The following RASGRF2 variants were observed in gnomAD, a reference collection of about 807,000 sequenced individuals.
RASGRF2 encodes Ras protein specific guanine nucleotide releasing factor 2, also known as ras-specific guanine nucleotide-releasing factor 2.
Under a neutral mutation model 151.0 loss-of-function variants are expected in RASGRF2, and 76 were observed. The observed-to-expected ratio is 0.50, with a 90% confidence interval of 0.42 to 0.61. RASGRF2 has a LOEUF of 0.61. Ranked by LOEUF, RASGRF2 falls within the 20% of genes least tolerant of loss-of-function variation. The pLI, the probability that RASGRF2 is intolerant of heterozygous loss-of-function variation, is 0.00. For missense variants in RASGRF2, 1,148 were observed against 1,564.6 expected, an observed-to-expected ratio of 0.73 and a Z score of 4.49; for synonymous variants, 504 against 566.5, an observed-to-expected ratio of 0.89 and a Z score of 1.57.
At chr5:80,991,805 A>G (rs1434924543) in intron 1 of RASGRF2, among the ~76,000 whole-genome samples, 1 of 152,178 alleles carries the variant, frequency 6.6e-6, no homozygotes, top group Non-Finnish European at 1.5e-5. Context: ...TTTTTTGAGC[A>G]CCTGTAGCTT....
At position 81,041,571 on chromosome 5, in the gene RASGRF2, A is replaced by G. The variant is rs1396164247; in HGVS notation, c.289-1306A>G. Among the ~76,000 whole-genome samples, 3 of 152,214 alleles carry G rather than the reference A, an allele frequency of 2.0e-5. No individual in the cohort carries two copies. The East Asian group carries it at 5.8e-4, about 29-fold the overall frequency. ...GTGATCTGAGGACTCTCCTTGTTGT[A>G]AAGTTCCCCATTCCATGTCTGTCTT... is the stretch of plus-strand genomic sequence containing the variant. On this transcript the variant is annotated intron_variant, in intron 1 of 26. Coordinates refer to ENST00000265080, the MANE Select transcript of RASGRF2 (RefSeq NM_006909.3).
intron 2 of RASGRF2, among the ~76,000 whole-genome samples, chr5:81,055,552 G>A (rs945648463): frequency 1.3e-5 from 2 of 152,218 alleles, no homozygotes; most frequent in African/African-American, 2.4e-5. Flanking sequence ...GAGGATTTTT[G>A]CATCGATGTT....
At chr5:81,144,875 A>C (rs1753967690) in intron 17 of RASGRF2, among the ~76,000 whole-genome samples, 1 of 152,060 alleles carries the variant, frequency 6.6e-6, no homozygotes, top group African/African-American at 2.4e-5. Context: ...TCTTCTAACC[A>C]CCACCCTACT....
chr5:81,015,849 T>C (rs556297838), intron 1 of RASGRF2, among the ~76,000 whole-genome samples: 1 of 152,346 alleles, frequency 6.6e-6, no homozygotes, highest in South Asian at 2.1e-4. Context: ...AAACAATGTT[T>C]TTAAGTATTC....
At chr5:81,030,004 A>G (rs1339845225) in intron 1 of RASGRF2, among the ~76,000 whole-genome samples, 1 of 152,244 alleles carries the variant, frequency 6.6e-6, no homozygotes, top group African/African-American at 2.4e-5. Flanking sequence ...TATGTGAGGA[A>G]TGCACAGGCT....
intron 17 of RASGRF2, among the ~76,000 whole-genome samples, chr5:81,173,771 T>C (rs763341133): frequency 2.0e-5 from 3 of 152,226 alleles, no homozygotes; most frequent in South Asian, 2.1e-4. Context: ...CTGGAAGAGA[T>C]AGGCACCTTA....
At chr5:81,013,485 G>A (rs1465720424) in intron 1 of RASGRF2, among the ~76,000 whole-genome samples, 3 of 152,122 alleles carry the variant, frequency 2.0e-5, no homozygotes, top group African/African-American at 4.8e-5. Flanking sequence ...GCCCTCATGC[G>A]AAAAGCTATA....
At chr5:81,170,168 G>C (rs1184566072) in intron 17 of RASGRF2, among the ~76,000 whole-genome samples, 2 of 144,192 alleles carry the variant, frequency 1.4e-5, no homozygotes, top group African/African-American at 2.6e-5. Flanking sequence ...ATCACTTGCA[G>C]CACCTGCACT....
At chr5:81,136,161 G>C (rs2112590183) in intron 17 of RASGRF2, among the ~76,000 whole-genome samples, 1 of 152,244 alleles carries the variant, frequency 6.6e-6, no homozygotes, top group African/African-American at 2.4e-5. Context: ...TTTAAGCAAA[G>C]TTATCTTTTA....
At chr5:81,219,921 G>T in intron 26 of RASGRF2, 143 bp downstream of exon 26, 192 of 370,446 alleles carry the variant, frequency 5.2e-4, no homozygotes, top group East Asian at 6.3e-4. Flanking sequence ...TGGCTAGTCT[G>T]ATTAAAAAAA....
intron 18 of RASGRF2, among the ~76,000 whole-genome samples, chr5:81,190,970 C>G (rs1755142854): frequency 6.6e-6 from 1 of 152,188 alleles, no homozygotes; most frequent in South Asian, 2.1e-4. Flanking sequence ...TTTTCTGATG[C>G]AAGTGCCATG....
At chr5:81,087,674 T>C (rs1187024152) in intron 9 of RASGRF2, 1 of 391,882 alleles carries the variant, frequency 2.6e-6, no homozygotes, top group East Asian at 4.1e-5. Flanking sequence ...CAAGTTATTT[T>C]TTTAGTGCTT....
At chr5:81,094,738 G>A in intron 11 of RASGRF2, 118 bp from the exon 12 acceptor site, 1 of 1,145,108 alleles carries the variant, frequency 8.7e-7, no homozygotes, top group Non-Finnish European at 1.2e-6. Flanking sequence ...CGATATTGCT[G>A]AAATGAGAGT....
intron 18 of RASGRF2, among the ~76,000 whole-genome samples, chr5:81,193,191 C>T (rs972243740): frequency 4.6e-5 from 7 of 152,192 alleles, no homozygotes; most frequent in African/African-American, 7.2e-5. Context: ...TTCCCTTGGC[C>T]ATGTATAGTA....
chr5:81,000,488 C>T (rs767437691), intron 1 of RASGRF2, among the ~76,000 whole-genome samples: 1 of 152,198 alleles, frequency 6.6e-6, no homozygotes, highest in Middle Eastern at 3.2e-3. Context: ...GGTGATCCAC[C>T]CACCTCGGCT....
At chr5:81,009,337 A>C (rs1008383310) in intron 1 of RASGRF2, among the ~76,000 whole-genome samples, 1 of 152,220 alleles carries the variant, frequency 6.6e-6, no homozygotes, top group Non-Finnish European at 1.5e-5. Context: ...CCCTGAGAGC[A>C]GATGTAAGCT....
intron 1 of RASGRF2, among the ~76,000 whole-genome samples, chr5:81,034,466 T>C (rs1750391839): frequency 1.3e-5 from 2 of 152,010 alleles, no homozygotes. Context: ...CCCAAAGGAC[T>C]ATAAATCATG....
chr5:81,044,286 C>T (rs933095010), intron 2 of RASGRF2, among the ~76,000 whole-genome samples: 1 of 152,090 alleles, frequency 6.6e-6, no homozygotes, highest in African/African-American at 2.4e-5. Flanking sequence ...GGCATGGTGG[C>T]ACACGCCTGT....
intron 1 of RASGRF2, among the ~76,000 whole-genome samples, chr5:80,973,896 T>C (rs570329996): frequency 1.3e-4 from 20 of 152,304 alleles, no homozygotes; most frequent in African/African-American, 4.6e-4. Context: ...ATGGTGTGGC[T>C]GGAAACAGCT....
Sources: gnomAD v4.1 joint callset for allele counts (sites outside exome capture counted in the v4.1 genomes callset) on GRCh38, gnomAD v4.1.1 for gene constraint, MANE v1.5 for transcripts, NCBI Gene and HGNC (gene_info 2026-07-23, HGNC 2026-07-21) for gene names.